FYCO1: variants seen among roughly 807,000 people sequenced by gnomAD.
FYCO1 encodes the protein FYVE and coiled-coil domain autophagy adaptor 1.
A neutral mutation model predicts 165.1 loss-of-function variants in FYCO1; 122 were observed. The ratio of observed to expected loss-of-function variants is 0.74; its 90% CI spans 0.64 to 0.86. FYCO1 has a LOEUF of 0.86. Among genes scored for constraint, FYCO1 ranks in the 40% least tolerant of loss-of-function variants. The pLI is 0.00. For missense variants in FYCO1, 1,702 were observed against 1,810.3 expected (o/e 0.94, Z 1.09); for synonymous variants, 648 against 742.5 (o/e 0.87, Z 2.07).
At chr3:45,976,658 A>T (rs1706777655) in intron 4 of FYCO1, among the ~76,000 whole-genome samples, 1 of 152,204 alleles carries the variant, frequency 6.6e-6, no homozygotes, top group South Asian at 2.1e-4. Flanking sequence ...ATACTATTCA[A>T]ATTTTAATTC....
At chr3:45,983,773 G>A (rs182784611) in intron 2 of FYCO1, among the ~76,000 whole-genome samples, 20 of 152,326 alleles carry the variant, frequency 1.3e-4, no homozygotes, top group Admixed American at 1.2e-3. Flanking sequence ...GCTGAAAGTA[G>A]ACTAGAGTGG....
At chr3:45,953,921 G>A (rs533143232) in intron 14 of FYCO1, among the ~76,000 whole-genome samples, 12 of 152,288 alleles carry the variant, frequency 7.9e-5, no homozygotes, top group African/African-American at 2.6e-4. Context: ...AACTAAATCC[G>A]AGCTTCCTTT....
chr3:45,951,521 G>C (rs1379212841), intron 14 of FYCO1, among the ~76,000 whole-genome samples: 1 of 152,206 alleles, frequency 6.6e-6, no homozygotes, highest in Non-Finnish European at 1.5e-5. Flanking sequence ...GGGAGCCACA[G>C]CCCAGTGCCC....
At position 45,932,651 on chromosome 3, in the gene FYCO1, C is replaced by T. The variant is rs77054022; in HGVS notation, c.4041-1370G>A. Among the ~76,000 whole-genome samples the T allele has an allele frequency of 2.6e-3, 396 of 152,284 alleles. 1 individual carries two copies. Among genetic ancestry groups the T allele is most frequent in the Non-Finnish European group, 4.5e-3 (307 of 68,026 alleles). On this transcript the variant is annotated intron_variant, in intron 15 of 17. Coordinates refer to ENST00000296137, the MANE Select transcript of FYCO1 (RefSeq NM_024513.4). Reference sequence around the variant, plus strand: ...AGTGGTGGTGCTGAGCGTTCATCTGCCTCCAAAGCTGTGGAGATGAATGGA... The same window carrying T: ...AGTGGTGGTGCTGAGCGTTCATCTGTCTCCAAAGCTGTGGAGATGAATGGA...
At chr3:45,947,839 G>A in intron 14 of FYCO1, 1 of 297,096 alleles carries the variant, frequency 3.4e-6, no homozygotes, top group Non-Finnish European at 6.7e-6. Context: ...GGTTGAAGAG[G>A]TGAGCACGGC....
intron 11 of FYCO1, among the ~76,000 whole-genome samples, chr3:45,961,574 T>C (rs1162141953): frequency 6.7e-6 from 1 of 149,376 alleles, no homozygotes; most frequent in Non-Finnish European, 1.5e-5. Context: ...TGAGACTCTG[T>C]CTCAAAAAAA....
At position 45,993,948 on chromosome 3, in the gene FYCO1, G is replaced by A. The variant is rs555399617; in HGVS notation, c.-113+1774C>T. Among the ~76,000 whole-genome samples the A allele has an allele frequency of 7.2e-5, 11 of 152,344 alleles. No individual in the cohort carries two copies. The highest frequency in any genetic ancestry group is 3.9e-4 in the Admixed American group (6 of 15,304). Reference sequence around the variant, plus strand: ...GGGTGAGGGGGCTGCCATTTCTTGCGTACCTACTTTGTATTCTTGAGTCAG... The same window carrying A: ...GGGTGAGGGGGCTGCCATTTCTTGCATACCTACTTTGTATTCTTGAGTCAG... On this transcript the variant is annotated intron_variant, in intron 1 of 17. Coordinates refer to ENST00000296137, the MANE Select transcript of FYCO1 (RefSeq NM_024513.4). This position sits in a 1 kb window ranked among gnomAD's most constrained non-coding sequence, Gnocchi z 4.4.
At chr3:45,947,514 T>G in intron 14 of FYCO1, 2 of 1,608,266 alleles carry the variant, frequency 1.2e-6, no homozygotes, top group Non-Finnish European at 1.7e-6. Context: ...GTTATAGGCC[T>G]TGCCAGGGTT....
At position 45,962,392 on chromosome 3, in the gene FYCO1, C is replaced by CCTGGGGGAGGAGTGGTAAGTTTTCTT; in HGVS notation, c.3270-26_3270-1dup (p.Thr1091ArgfsTer32). 1 of 1,614,054 alleles carries CCTGGGGGAGGAGTGGTAAGTTTTCTT rather than the reference C, an allele frequency of 6.2e-7. No homozygotes were observed. Among genetic ancestry groups the CCTGGGGGAGGAGTGGTAAGTTTTCTT allele is most frequent in the Non-Finnish European group, 8.5e-7 (1 of 1,179,994 alleles). On this transcript the variant is annotated frameshift_variant and splice_region_variant. Coordinates refer to ENST00000296137, the MANE Select transcript of FYCO1 (RefSeq NM_024513.4). LOFTEE classifies it high-confidence loss of function. This position sits in a 1 kb window ranked among gnomAD's most constrained non-coding sequence, Gnocchi z 4.4. ...TGGCTTTTTCGAGTTCCTTCTGGGTCCTGGGGGAGGAGTGGTAAGTTTTCT... is the reference window on the plus strand; with the variant it reads ...TGGCTTTTTCGAGTTCCTTCTGGGTCCTGGGGGAGGAGTGGTAAGTTTTCTTCTGGGGGAGGAGTGGTAAGTTTTCT...
At chr3:45,974,807 C>G (rs1706647113) in intron 5 of FYCO1, among the ~76,000 whole-genome samples, 1 of 92,580 alleles carries the variant, frequency 1.1e-5, no homozygotes. Flanking sequence ...TCCTGGCTAC[C>G]CACCAGTCTC....
intron 17 of FYCO1, among the ~76,000 whole-genome samples, chr3:45,922,555 TG>T (rs1016769754): frequency 6.6e-5 from 10 of 152,150 alleles, no homozygotes. Flanking sequence ...TGTCCACTCT[TG>T]GGGTAGAGGG....
chr3:45,995,057 C>T (rs942709113), intron 1 of FYCO1, among the ~76,000 whole-genome samples: 3 of 150,018 alleles, frequency 2.0e-5, no homozygotes, highest in Non-Finnish European at 4.4e-5. Flanking sequence ...CCCCGCCCCA[C>T]CCCCGCCAGG....
intron 11 of FYCO1, among the ~76,000 whole-genome samples, chr3:45,960,285 C>G (rs1005560429): frequency 5.9e-5 from 9 of 152,206 alleles, no homozygotes; most frequent in African/African-American, 2.2e-4. Context: ...GCTAACGTGG[C>G]TCTAGCAGCA....
chr3:45,963,538 G>A (rs963559981), intron 10 of FYCO1, among the ~76,000 whole-genome samples: 2 of 152,252 alleles, frequency 1.3e-5, no homozygotes, highest in Non-Finnish European at 2.9e-5. Context: ...GTGTTGGGAA[G>A]AGGTAATAGA....
chr3:45,943,967 A>C (rs898892996), intron 14 of FYCO1, among the ~76,000 whole-genome samples: 1 of 152,220 alleles, frequency 6.6e-6, no homozygotes, highest in East Asian at 1.9e-4. Context: ...AAACTTTGAA[A>C]ACTATTTTAA....
chr3:45,973,076 C>G lies in FYCO1; in HGVS notation c.539+12G>C. 1 of 1,614,142 alleles carries G rather than the reference C, an allele frequency of 6.2e-7. No homozygotes were observed. Among genetic ancestry groups the G allele is most frequent in the Non-Finnish European group, 8.5e-7 (1 of 1,180,008 alleles). ...TTTCCTGTCTTTTAAACCAAGCAAT[C>G]CTTCAAAGTACCTGGCAAATGTTGG... On this transcript the variant is annotated intron_variant, in intron 6 of 17. Transcript: ENST00000296137.
chr3:45,967,916 A>G lies in FYCO1; in HGVS notation c.1418T>C (p.Leu473Pro). The G allele has an allele frequency of 6.2e-7, 1 of 1,614,092 alleles. No individual in the cohort carries two copies. Among genetic ancestry groups the G allele is most frequent in the Middle Eastern group, 1.6e-4 (1 of 6,062 alleles). The change falls in exon 8 of 18, where the codon CTG becomes CCG. Residue 473 changes from leucine to proline, a missense_variant. Physicochemically the swap from Leu to Pro is moderately conservative, Grantham distance 98 (BLOSUM62 -3). Coordinates refer to ENST00000296137, the MANE Select transcript of FYCO1 (RefSeq NM_024513.4). ...GCTCGTGTGGGCCAGCAACTCCTGC[A>G]GCCGTCGCCAGAGCTGGTCTGCCTC... ...GQEADQLWRR[L>P]QELLAHTSSW...
intron 14 of FYCO1, among the ~76,000 whole-genome samples, chr3:45,950,515 A>G (rs1704945218): frequency 6.6e-6 from 1 of 152,038 alleles, no homozygotes; most frequent in Non-Finnish European, 1.5e-5. Context: ...GGTGGAGGCA[A>G]AGCGAAGAGG....
At chr3:45,941,661 C>A (rs1273369978) in intron 14 of FYCO1, among the ~76,000 whole-genome samples, 1 of 152,174 alleles carries the variant, frequency 6.6e-6, no homozygotes, top group African/African-American at 2.4e-5. Context: ...ACAAGCCATG[C>A]TTTCTCAAAT....
Sources: allele counts gnomAD v4.1 joint callset (sites outside exome capture counted in the v4.1 genomes callset), GRCh38; gene constraint gnomAD v4.1.1; non-coding constraint Gnocchi (gnomAD v3.1); transcripts MANE v1.5; gene names NCBI Gene and HGNC (gene_info 2026-07-23, HGNC 2026-07-21).